The following TAS1R2 variants were observed in gnomAD, a reference collection of about 807,000 sequenced individuals.
TAS1R2 encodes the protein taste receptor type 1 member 2.
A neutral mutation model predicts 49.3 loss-of-function variants in TAS1R2; 47 were observed. The ratio of observed to expected loss-of-function variants is 0.95; its 90% CI spans 0.75 to 1.22. The LOEUF is 1.22. Ranked by LOEUF, TAS1R2 falls within the 50% of genes most tolerant of loss-of-function variation. TAS1R2 has a pLI of 0.00. For missense variants in TAS1R2, 1,155 were observed against 1,122.1 expected (o/e 1.03, Z -0.42); for synonymous variants, 479 against 467.9 (o/e 1.02, Z -0.31).
At chr1:18,841,063 T>C (rs1933815557) in intron 5 of TAS1R2, among the ~76,000 whole-genome samples, 2 of 152,264 alleles carry the variant, frequency 1.3e-5, no homozygotes, top group South Asian at 4.1e-4. Context: ...TGTCCTGTGC[T>C]CTGCTAGGCA....
chr1:18,854,657 G>T lies in TAS1R2; in HGVS notation c.813C>A (p.Val271=). The T allele has an allele frequency of 4.3e-6, 7 of 1,614,004 alleles. No individual in the cohort carries two copies. The African/African-American group carries it at 5.3e-5, about 12-fold the overall frequency. The change falls in exon 3 of 6, where the codon GTC becomes GTA. Residue 271 remains valine (V), a synonymous_variant. Transcript: ENST00000375371. This position sits in a 1 kb window ranked among gnomAD's most constrained non-coding sequence, Gnocchi z 4.9. ...TCAGGTCGGGCGAGAACACGACCAC[G>T]ACGCGCGCTGTGCTCTGCTGCAGCT...
intron 1 of TAS1R2, among the ~76,000 whole-genome samples, chr1:18,858,889 C>T (rs1216978373): frequency 2.0e-5 from 3 of 152,198 alleles, no homozygotes; most frequent in African/African-American, 2.4e-5. Context: ...GCAATACCTT[C>T]ACCCTCTCTG....
At chr1:18,855,534 G>T (rs1485294119) in intron 2 of TAS1R2, among the ~76,000 whole-genome samples, 1 of 152,018 alleles carries the variant, frequency 6.6e-6, no homozygotes, top group Non-Finnish European at 1.5e-5. Flanking sequence ...AGGACCCTGG[G>T]CTCAGGCCTC....
intron 4 of TAS1R2, 61 bp downstream of exon 4, chr1:18,849,280 C>G (rs1933976660): frequency 1.9e-6 from 3 of 1,576,646 alleles, no homozygotes; most frequent in Non-Finnish European, 2.6e-6. Context: ...GCCCTAGCCA[C>G]TCCAGCAAGG....
At chr1:18,848,270 A>G (rs1444449032) in intron 4 of TAS1R2, among the ~76,000 whole-genome samples, 1 of 152,194 alleles carries the variant, frequency 6.6e-6, no homozygotes, top group Non-Finnish European at 1.5e-5. Flanking sequence ...TTCCTAACCT[A>G]TAAAATGGAG....
rs765343935 is a variant in TAS1R2, at chr1:18,839,786, G to A, written c.2333C>T (p.Thr778Ile). 7 of 1,614,104 alleles carry A rather than the reference G, an allele frequency of 4.3e-6. No homozygotes were observed. In the African/African-American group the frequency reaches 5.3e-5, roughly 12 times the overall value. Residue 778 changes from threonine (T) to isoleucine (I), a missense_variant, in exon 6 of 6, where the codon ACC (threonine) becomes ATC (isoleucine). Physicochemically the swap from Thr to Ile is moderately conservative, Grantham distance 89. Coordinates refer to ENST00000375371, the Ensembl canonical transcript of TAS1R2. ...CACCCCGCTGTAGGCAGACATGAAG[G>A]TGCAGAGGGAGACGGATGAGGTGAA...
chr1:18,841,486 G>C (rs964921920), intron 5 of TAS1R2, among the ~76,000 whole-genome samples: 2 of 152,208 alleles, frequency 1.3e-5, no homozygotes, highest in Non-Finnish European at 2.9e-5. Flanking sequence ...AGTCCAGCGT[G>C]GGGGAGTGTC....
intron 4 of TAS1R2, among the ~76,000 whole-genome samples, chr1:18,848,448 G>A (rs1408063510): frequency 1.3e-5 from 2 of 152,060 alleles, no homozygotes; most frequent in East Asian, 3.9e-4. Flanking sequence ...AGTGGGGGAA[G>A]GACAGGACCC....
In TAS1R2 at chr1:18,856,728, G is replaced by A. The variant is rs371813349; in HGVS notation, c.483+603C>T. Among the ~76,000 whole-genome samples, 253 of 152,322 alleles carry A rather than the reference G, an allele frequency of 1.7e-3. 7 individuals are homozygous for A. In the South Asian group the frequency reaches 0.049, roughly 29 times the overall value. ...CACAATATTTGTGACTACCTACTGT[G>A]TGCCAAGTCTTTTGCTAGCTGATCT... is the stretch of plus-strand genomic sequence containing the variant. On this transcript the variant is annotated intron_variant, in intron 2 of 5. Transcript: ENST00000375371.
chr1:18,851,336 C>T (rs4920562), intron 3 of TAS1R2, among the ~76,000 whole-genome samples: 34,294 of 151,542 alleles, frequency 0.23, 4,143 homozygotes, highest in Middle Eastern at 0.29. Context: ...TTTTGTTTTG[C>T]TTTTTTTTTA....
intron 1 of TAS1R2, chr1:18,858,332 CACT>C (rs1439038468): frequency 1.3e-5 from 2 of 152,774 alleles, no homozygotes; most frequent in African/African-American, 4.8e-5. Context: ...CCAACACCAT[CACT>C]AACACCATCA....
intron 5 of TAS1R2, among the ~76,000 whole-genome samples, 157 bp downstream of exon 5, chr1:18,841,572 A>G (rs1330095993): frequency 6.6e-6 from 1 of 152,144 alleles, no homozygotes; most frequent in Non-Finnish European, 1.5e-5. Flanking sequence ...TTGGGAGGAT[A>G]CAAGAGGAAT....
At chr1:18,840,508 G>A in exon 6 of TAS1R2, 1 of 1,614,222 alleles carries the variant, frequency 6.2e-7, no homozygotes, top group Admixed American at 1.7e-5. Flanking sequence ...TATTCGGGCA[G>A]GCCTGGCATT....
intron 5 of TAS1R2, among the ~76,000 whole-genome samples, chr1:18,840,864 G>A (rs1285594008): frequency 6.6e-6 from 1 of 152,176 alleles, no homozygotes; most frequent in African/African-American, 2.4e-5. Context: ...GGTGTGAGAG[G>A]CATTCAACCA....
intron 5 of TAS1R2, 114 bp downstream of exon 5, chr1:18,841,615 C>A: frequency 1.4e-6 from 2 of 1,438,244 alleles, no homozygotes; most frequent in Non-Finnish European, 1.9e-6. Context: ...GACACTCACA[C>A]CCCCTGTGGG....
At chr1:18,843,921 T>G (rs1933872187) in intron 4 of TAS1R2, among the ~76,000 whole-genome samples, 2 of 152,240 alleles carry the variant, frequency 1.3e-5, no homozygotes, top group African/African-American at 2.4e-5. Flanking sequence ...GTAAATTTCT[T>G]AAATCAATTA....
chr1:18,840,491 C>G (rs1933803915), exon 6 of TAS1R2: 1 of 1,614,062 alleles, frequency 6.2e-7, no homozygotes, highest in Admixed American at 1.7e-5. Flanking sequence ...CTGGTAGGAC[C>G]ACTCGTTATT....
intron 4 of TAS1R2, among the ~76,000 whole-genome samples, chr1:18,849,001 C>A (rs1204025794): frequency 6.6e-6 from 1 of 152,196 alleles, no homozygotes; most frequent in Non-Finnish European, 1.5e-5. Context: ...TTCCACTAAA[C>A]CAGTCCCTGG....
intron 4 of TAS1R2, among the ~76,000 whole-genome samples, chr1:18,846,656 A>C (rs1338317081): frequency 6.6e-6 from 1 of 152,240 alleles, no homozygotes; most frequent in East Asian, 1.9e-4. Flanking sequence ...GTTAAGATGA[A>C]GTCATCCTGG....
Sources: gnomAD v4.1 joint callset for allele counts (sites outside exome capture counted in the v4.1 genomes callset) on GRCh38, gnomAD v4.1.1 for gene constraint, Gnocchi (gnomAD v3.1) non-coding constraint, MANE v1.5 for transcripts, NCBI Gene and HGNC (gene_info 2026-07-23, HGNC 2026-07-21) for gene names.